PSG6: variants seen among roughly 807,000 people sequenced by gnomAD.
The protein encoded by PSG6 is pregnancy specific beta-1-glycoprotein 6.
A neutral mutation model predicts 43.3 loss-of-function variants in PSG6; 51 were observed. The observed-to-expected ratio is 1.18, with a 90% CI of 0.94 to 1.49. PSG6 has a LOEUF of 1.49. PSG6 is among the 40% of genes most tolerant of loss of function. PSG6 has a pLI of 0.00. For synonymous variants in PSG6, 292 were observed against 197.6 expected (o/e 1.48, Z -4.01); for missense variants, 770 against 522.2 (o/e 1.47, Z -4.62).
At chr19:42,903,459 A>G (rs1972065728) in intron 5 of PSG6, among the ~76,000 whole-genome samples, 1 of 151,692 alleles carries the variant, frequency 6.6e-6, no homozygotes, top group Non-Finnish European at 1.5e-5. Context: ...GGATATAAAT[A>G]AAATGGAGAA....
At chr19:42,911,256 G>A (rs1026661085) in intron 2 of PSG6, among the ~76,000 whole-genome samples, 5 of 151,516 alleles carry the variant, frequency 3.3e-5, no homozygotes, top group Admixed American at 1.3e-4. Context: ...CCTGAGGTAT[G>A]TTTTCTCATC....
chr19:42,910,085 G>C, intron 3 of PSG6: 1 of 206,254 alleles, frequency 4.8e-6, no homozygotes, highest in Middle Eastern at 2.0e-3. Context: ...CTGCCAGTGG[G>C]TGAGAGTCTG....
chr19:42,910,994 A>G lies in PSG6; in HGVS notation c.428-136T>C, dbSNP rs558724048. On this transcript the variant is annotated intron_variant, in intron 2 of 5. Coordinates refer to ENST00000187910, the MANE Select transcript of PSG6 (RefSeq NM_001031850.4). ...AAAGCCCATGGCAGGTGTGTGTGTT[A>G]CAAGACAGATGCATGGCAACCTGAG... 461 of 1,483,588 alleles carry G rather than the reference A, an allele frequency of 3.1e-4. 18 individuals carry two copies. The highest frequency in any genetic ancestry group is 1.8e-3 in the South Asian group (126 of 71,136). The allele number at this position is 1,483,588 out of a possible 1,614,324, so 91.9% of individuals were successfully genotyped here. A position where few individuals can be genotyped will look rare whatever the true frequency, so the allele number is the denominator to read the frequency against.
At position 42,907,470 on chromosome 19, in the gene PSG6, A is replaced by G. The variant is rs866538255; in HGVS notation, c.985+106T>C. ...GTCATGGCCAGGTCTGATGTCCAGA[A>G]GTAAAGTTGTCTATACTTGGACCGG... On this transcript the variant is annotated intron_variant, in intron 4 of 5. Transcript: ENST00000187910. The G allele has an allele frequency of 3.5e-5, 54 of 1,558,714 alleles. 2 individuals are homozygous for G. Among genetic ancestry groups the G allele is most frequent in the Middle Eastern group, 4.7e-4 (2 of 4,288 alleles).
rs1051654720 is a variant in PSG6, at chr19:42,907,392, C to A, written c.985+184G>T. ...GTGTCCCATGACAAGAGCGCCCCTC[C>A]CCTTATATTCTTGGTTAAGGCTGTG... is the stretch of plus-strand genomic sequence containing the variant. On this transcript the variant is annotated intron_variant, in intron 4 of 5. Transcript: ENST00000187910. Among the ~76,000 whole-genome samples, 27 of 151,884 alleles carry A rather than the reference C, an allele frequency of 1.8e-4. 1 individual carries two copies. Among genetic ancestry groups the A allele is most frequent in the Non-Finnish European group, 4.4e-5 (3 of 67,944 alleles).
At chr19:42,912,691 C>T (rs1200028977) in intron 2 of PSG6, among the ~76,000 whole-genome samples, 1 of 151,794 alleles carries the variant, frequency 6.6e-6, no homozygotes. Context: ...ATGTCTTCTT[C>T]ATTTTCTCTT....
At chr19:42,905,617 C>T (rs989129637) in intron 5 of PSG6, among the ~76,000 whole-genome samples, 2 of 151,642 alleles carry the variant, frequency 1.3e-5, no homozygotes, top group African/African-American at 4.9e-5. Flanking sequence ...AATATTTGTA[C>T]ACTGATGTAC....
At chr19:42,912,101 A>C (rs2122638284) in intron 2 of PSG6, among the ~76,000 whole-genome samples, 1 of 151,740 alleles carries the variant, frequency 6.6e-6, no homozygotes, top group East Asian at 1.9e-4. Context: ...CTGGTTTAGC[A>C]TCCCAAATCT....
chr19:42,903,660 CAGA>C, intron 5 of PSG6: 1 of 1,523,770 alleles, frequency 6.6e-7, no homozygotes, highest in Non-Finnish European at 8.8e-7. Context: ...GAGGTCACAG[CAGA>C]AGGATTTCTT....
At chr19:42,914,294 C>T (rs1422817095) in intron 2 of PSG6, among the ~76,000 whole-genome samples, 1 of 151,300 alleles carries the variant, frequency 6.6e-6, no homozygotes, top group Non-Finnish European at 1.5e-5. Flanking sequence ...TGGGCCAGGC[C>T]ACAGTGTTAG....
chr19:42,903,586 C>A (rs1972067226), intron 5 of PSG6: 8 of 1,398,088 alleles, frequency 5.7e-6, no homozygotes, highest in East Asian at 2.8e-5. Flanking sequence ...GATAAAATTA[C>A]TCAAATCATA....
intron 2 of PSG6, among the ~76,000 whole-genome samples, chr19:42,911,562 GC>G (rs1972226639): frequency 6.6e-6 from 1 of 151,624 alleles, no homozygotes; most frequent in Non-Finnish European, 1.5e-5. Flanking sequence ...GATAGGTTTG[GC>G]CCAAGACCAT....
At chr19:42,906,015 A>G (rs547713724) in intron 5 of PSG6, among the ~76,000 whole-genome samples, 5 of 151,646 alleles carry the variant, frequency 3.3e-5, no homozygotes, top group Non-Finnish European at 7.4e-5. Context: ...ACACAACACT[A>G]AATTGCACAC....
intron 4 of PSG6, 30 bp downstream of exon 4, chr19:42,907,546 C>G: frequency 6.2e-7 from 1 of 1,610,122 alleles, no homozygotes; most frequent in Non-Finnish European, 8.5e-7. Context: ...AGCTGGTGTC[C>G]TGGCCCACAG....
intron 5 of PSG6, among the ~76,000 whole-genome samples, chr19:42,903,350 A>C: frequency 6.6e-6 from 1 of 151,628 alleles, no homozygotes; most frequent in Non-Finnish European, 1.5e-5. Flanking sequence ...AAAAGAAGAA[A>C]GAGCTCAGGT....
intron 3 of PSG6, 130 bp downstream of exon 3, chr19:42,910,450 T>G (rs1259123434): frequency 2.5e-6 from 4 of 1,607,176 alleles, no homozygotes; most frequent in Non-Finnish European, 2.6e-6. Context: ...GAGCAGAAAG[T>G]CATGGCCAGC....
rs767504441 is a variant in PSG6, at chr19:42,907,770, T to G, written c.791A>C (p.Lys264Thr). The change falls in exon 4 of 6, where the codon AAG (lysine) becomes ACG (threonine). Residue 264 changes from lysine to threonine, a missense_variant. Transcript: ENST00000187910. Reference protein sequence around the residue: ...KDVLAFTCEPKSRNYTYIWWL... With the variant: ...KDVLAFTCEPTSRNYTYIWWL... ...CCAAATGTAGGTGTAGTTCCGACTC[T>G]TAGGTTCACAGGTGAAGGCTAACAC... 1 of 1,611,020 alleles carries G rather than the reference T, an allele frequency of 6.2e-7. No individual in the cohort carries two copies. The highest frequency in any genetic ancestry group is 8.5e-7 in the Non-Finnish European group (1 of 1,179,114).
intron 2 of PSG6, among the ~76,000 whole-genome samples, chr19:42,913,239 C>G (rs1223381590): frequency 1.3e-5 from 2 of 151,552 alleles, no homozygotes; most frequent in Admixed American, 1.3e-4. Flanking sequence ...CAAGCTCCAC[C>G]TCCTGGGTTC....
At chr19:42,916,726 C>T (rs1036373649) in intron 1 of PSG6, among the ~76,000 whole-genome samples, 8 of 151,070 alleles carry the variant, frequency 5.3e-5, no homozygotes, top group African/African-American at 1.7e-4. Context: ...CACTCCTGAC[C>T]TTGGCATTTT....
Sources: allele counts gnomAD v4.1 joint callset (sites outside exome capture counted in the v4.1 genomes callset), GRCh38; gene constraint gnomAD v4.1.1; transcripts MANE v1.5; gene names NCBI Gene and HGNC (gene_info 2026-07-23, HGNC 2026-07-21).